The following GABPA variants were observed in gnomAD, a reference collection of about 807,000 sequenced individuals.
GABPA encodes GA binding protein transcription factor subunit alpha.
In GABPA, 4 loss-of-function variants were observed where a neutral mutation model predicts 59.4. That is an observed-to-expected ratio of 0.07 (90% CI 0.03 to 0.15). GABPA has a LOEUF of 0.15. Among genes scored for constraint, GABPA ranks in the 10% least tolerant of loss-of-function variants. The probability of loss-of-function intolerance (pLI) is 1.00; values close to 1 mark genes in which losing one functional copy is unlikely to be tolerated. For synonymous variants in GABPA, 164 were observed against 183.1 expected, an observed-to-expected ratio of 0.90 and a Z score of 0.84; for missense variants, 251 against 543.8, an observed-to-expected ratio of 0.46 and a Z score of 5.36.
chr21:25,752,413 C>T, intron 5 of GABPA, 179 bp downstream of exon 5: 1 of 690,640 alleles, frequency 1.4e-6, no homozygotes, highest in South Asian at 2.3e-5. Flanking sequence ...CAAATTCTGT[C>T]CTGCGTGCAG....
chr21:25,764,523 C>A, intron 8 of GABPA, 72 bp from the exon 9 acceptor site: 1 of 1,472,358 alleles, frequency 6.8e-7, no homozygotes, highest in Non-Finnish European at 9.3e-7. Flanking sequence ...AACCACGGGA[C>A]CAGTTTGTTG....
At chr21:25,762,154 T>G (rs1429667284) in intron 6 of GABPA, among the ~76,000 whole-genome samples, 158 bp from the exon 7 acceptor site, 2 of 152,184 alleles carry the variant, frequency 1.3e-5, no homozygotes, top group Admixed American at 6.5e-5. Flanking sequence ...TATCAAATAT[T>G]TTTAAGGTTT....
chr21:25,739,881 G>C (rs886642055), intron 1 of GABPA, among the ~76,000 whole-genome samples: 1 of 152,200 alleles, frequency 6.6e-6, no homozygotes, highest in African/African-American at 2.4e-5. Flanking sequence ...ATCTCCCAGA[G>C]TATTAGGATT....
rs752618125 is a variant in GABPA, at chr21:25,741,578, A to T, written c.-21A>T. On this transcript the variant is annotated 5_prime_UTR_variant, in exon 2 of 10. Transcript: ENST00000400075. ...TTAAAAAGTCACTCTTGCAGGACTG[A>T]TCCTTTGAAATACTCCAGCCATGAC... is the stretch of plus-strand genomic sequence containing the variant. 4.9e-5 allele frequency: 76 copies of T among 1,554,796 alleles called. No homozygotes were observed. Among genetic ancestry groups the T allele is most frequent in the Non-Finnish European group, 6.6e-5 (75 of 1,133,736 alleles).
chr21:25,764,882 G>T, intron 9 of GABPA, 95 bp downstream of exon 9: 1 of 823,134 alleles, frequency 1.2e-6, no homozygotes, highest in Non-Finnish European at 1.7e-6. Flanking sequence ...GTTATGTAAT[G>T]ATATTAAAAA....
At position 25,735,237 on chromosome 21, in the gene GABPA, T is replaced by A. The variant is rs1601098293; in HGVS notation, c.-368T>A. 4 of 574,060 alleles carry A rather than the reference T, an allele frequency of 7.0e-6. No homozygotes were observed. In the East Asian group the frequency reaches 1.2e-4, roughly 17 times the overall value. The allele number at this position is 574,060 out of a possible 1,614,324, so 35.6% of individuals were successfully genotyped here. On this transcript the variant is annotated 5_prime_UTR_variant, in exon 1 of 10. Transcript: ENST00000400075. ...CGAGTCAGCGTCCTGTTCGTTAGGG[T>A]TATCGAAGTGTATAAAGGTGCAGGG...
Position 25,735,229 on chromosome 21 carries a change from C to G in GABPA, c.-376C>G. 1 of 581,288 alleles carries G rather than the reference C, an allele frequency of 1.7e-6. No homozygotes were observed. Among genetic ancestry groups the G allele is most frequent in the Non-Finnish European group, 3.1e-6 (1 of 323,210 alleles). 36.0% of individuals were successfully genotyped at this position (581,288 alleles called of 1,614,324 possible). ...CTCCCCTCCGAGTCAGCGTCCTGTT[C>G]GTTAGGGTTATCGAAGTGTATAAAG... On this transcript the variant is annotated 5_prime_UTR_variant, in exon 1 of 10. Transcript: ENST00000400075.
Position 25,764,293 on chromosome 21 carries a change from G to A in GABPA, c.886G>A (p.Val296Ile), listed in dbSNP as rs964033170. ...VINSSAKAAK[V>I]QRAPRISGED... ...AAATAGTAGTGCGAAAGCAGCCAAA[G>A]TACAAAGAGCGCCGAGGATTTCAGG... is the stretch of plus-strand genomic sequence containing the variant. The change falls in exon 8 of 10, where the codon GTA becomes ATA. Residue 296 changes from valine to isoleucine, a missense_variant. By Grantham distance (29) the Val-to-Ile change is conservative. Around this residue, in one of 4 missense-constraint regions of GABPA, gnomAD observed 207 missense variants for 366.7 expected, o/e 0.56. Coordinates refer to ENST00000400075, the MANE Select transcript of GABPA (RefSeq NM_002040.4). 3.1e-6 allele frequency: 5 copies of A among 1,612,424 alleles called. No individual in the cohort carries two copies. In the Admixed American group the frequency reaches 6.7e-5, roughly 22 times the overall value.
rs188817980 is a variant in GABPA, at chr21:25,765,833, A to C, written c.1136+1046A>C. Among the ~76,000 whole-genome samples the C allele has an allele frequency of 7.3e-5, 11 of 149,772 alleles. No homozygotes were observed. The East Asian group carries it at 2.1e-3, about 28-fold the overall frequency. On this transcript the variant is annotated intron_variant, in intron 9 of 9. Coordinates refer to ENST00000400075, the MANE Select transcript of GABPA (RefSeq NM_002040.4). Reference sequence around the variant, plus strand: ...TACAGGTAAATTGTTAGAGTTAATAATTAAGATGTCAGTTCCCCCCCAGAT... The same window carrying C: ...TACAGGTAAATTGTTAGAGTTAATACTTAAGATGTCAGTTCCCCCCCAGAT...
At chr21:25,751,663 G>A (rs776456491) in intron 4 of GABPA, among the ~76,000 whole-genome samples, 7 of 151,720 alleles carry the variant, frequency 4.6e-5, no homozygotes, top group South Asian at 2.1e-4. Context: ...TTATTGTTTC[G>A]TATTGGTAAT....
In GABPA at chr21:25,765,032, CA is replaced by C. The variant is rs1179522698; in HGVS notation, c.1136+254del. Among the ~76,000 whole-genome samples, 338 of 148,154 alleles carry C rather than the reference CA, an allele frequency of 2.3e-3. 1 individual carries two copies. The highest frequency in any genetic ancestry group is 7.8e-3 in the African/African-American group (315 of 40,548). ...ATTTGAAAGCTATAATACTCTGTCC[CA>C]AAAAAAAATGTTTAATTTTTGAGGT... On this transcript the variant is annotated intron_variant, in intron 9 of 9. Transcript: ENST00000400075.
At chr21:25,762,401 TAAG>T (rs2035786204) in intron 7 of GABPA, 36 bp downstream of exon 7, 2 of 1,412,906 alleles carry the variant, frequency 1.4e-6, no homozygotes, top group African/African-American at 2.9e-5. Flanking sequence ...CTTTTATTAA[TAAG>T]AAATGTTTAT....
intron 5 of GABPA, among the ~76,000 whole-genome samples, chr21:25,755,612 G>A (rs1448866997): frequency 3.9e-5 from 6 of 152,016 alleles, no homozygotes; most frequent in Non-Finnish European, 4.4e-5. Context: ...AGGTAGAGAA[G>A]GTGGAGACGG....
chr21:25,741,774 C>A lies in GABPA; in HGVS notation c.77+99C>A, dbSNP rs534535377. 18 of 696,930 alleles carry A rather than the reference C, an allele frequency of 2.6e-5. 1 individual carries two copies. The Middle Eastern group carries it at 1.2e-3, about 47-fold the overall frequency. The allele number at this position is 696,930 out of a possible 1,614,324, so 43.2% of individuals were successfully genotyped here. A position where few individuals can be genotyped will look rare whatever the true frequency, so the allele number is the denominator to read the frequency against. The stretch of plus-strand genomic sequence containing the variant: ...GTTCTTTTGGACTGTCTTTTTTTAA[C>A]TGTTCTCAGTATTTTAGGGAATAAT... On this transcript the variant is annotated intron_variant, in intron 2 of 9. Transcript: ENST00000400075.
rs57891559 is a variant in GABPA, at chr21:25,744,059, A to C, written c.78-1151A>C. 8.5e-3 allele frequency among the ~76,000 whole-genome samples: 1,132 copies of C among 133,424 alleles called. 19 individuals are homozygous for C. The highest frequency in any genetic ancestry group is 0.038 in the African/African-American group (1,089 of 28,940). 87.5% of individuals were successfully genotyped at this position (133,424 alleles called of 152,430 possible). A position where few individuals can be genotyped will look rare whatever the true frequency, so the allele number is the denominator to read the frequency against. ...CTCTGTCTCAAAAAAAAAAAAAAAA[A>C]AAAACCTACCAGGCTATAGCTGAAG... On this transcript the variant is annotated intron_variant, in intron 2 of 9. Coordinates refer to ENST00000400075, the MANE Select transcript of GABPA (RefSeq NM_002040.4).
intron 8 of GABPA, 46 bp from the exon 9 acceptor site, chr21:25,764,549 A>G (rs1026971809): frequency 1.9e-6 from 3 of 1,542,872 alleles, no homozygotes; most frequent in African/African-American, 2.8e-5. Context: ...GCCTTGGGCT[A>G]ATCTATAACA....
intron 9 of GABPA, among the ~76,000 whole-genome samples, chr21:25,765,033 A>C (rs917527025): frequency 9.3e-5 from 14 of 150,064 alleles, no homozygotes; most frequent in African/African-American, 2.0e-4. Flanking sequence ...ACTCTGTCCC[A>C]AAAAAAAATG....
At chr21:25,749,884 C>G (rs1334058309) in intron 4 of GABPA, among the ~76,000 whole-genome samples, 1 of 152,144 alleles carries the variant, frequency 6.6e-6, no homozygotes, top group African/African-American at 2.4e-5. Context: ...GGTCCCCAAC[C>G]TTTTTTGGCA....
chr21:25,751,919 AAC>A, intron 4 of GABPA, 68 bp from the exon 5 acceptor site: 1 of 1,316,112 alleles, frequency 7.6e-7, no homozygotes, highest in Non-Finnish European at 1.0e-6. Flanking sequence ...GGAACATATA[AAC>A]TAAATTATTT....
Sources: allele counts gnomAD v4.1 joint callset (sites outside exome capture counted in the v4.1 genomes callset), GRCh38; gene constraint gnomAD v4.1.1; regional missense constraint gnomAD v4.1.1; transcripts MANE v1.5; gene names NCBI Gene and HGNC (gene_info 2026-07-23, HGNC 2026-07-21).